Variants in TNIK observed in about 807,000 individuals in gnomAD.
The protein encoded by TNIK is TRAF2 and NCK-interacting protein kinase.
TNIK carries 49 observed loss-of-function variants against 191.3 expected under a neutral mutation model. The ratio of observed to expected loss-of-function variants is 0.26; its 90% CI spans 0.20 to 0.32. TNIK has a LOEUF of 0.32. TNIK is among the 10% of genes least tolerant of loss of function. TNIK has a pLI of 1.00. For missense variants in TNIK, 1,155 were observed against 1,702.3 expected (o/e 0.68, Z 5.66); for synonymous variants, 594 against 600.9 (o/e 0.99, Z 0.17).
chr3:171,204,374 A>G (rs982345181), intron 4 of TNIK, among the ~76,000 whole-genome samples: 1 of 152,244 alleles, frequency 6.6e-6, no homozygotes, highest in Non-Finnish European at 1.5e-5. Flanking sequence ...CTGAAACAGG[A>G]CATACATTGG....
chr3:171,264,752 G>T (rs1748165857), intron 2 of TNIK, among the ~76,000 whole-genome samples: 1 of 152,162 alleles, frequency 6.6e-6, no homozygotes. Context: ...TTTAAAGGGG[G>T]ATAATCTCTT....
chr3:171,186,780 C>T (rs1259404085), intron 7 of TNIK, among the ~76,000 whole-genome samples: 1 of 152,206 alleles, frequency 6.6e-6, no homozygotes, highest in Non-Finnish European at 1.5e-5. Flanking sequence ...CACTGTGCAG[C>T]ATGACGACCT....
At chr3:171,329,472 ATT>A (rs1166998325) in intron 2 of TNIK, among the ~76,000 whole-genome samples, 2 of 152,324 alleles carry the variant, frequency 1.3e-5, no homozygotes, top group African/African-American at 4.8e-5. Context: ...TCCTTGGGTC[ATT>A]TACCTTAAAC....
chr3:171,344,474 A>G (rs1288183598), intron 2 of TNIK, among the ~76,000 whole-genome samples: 2 of 151,922 alleles, frequency 1.3e-5, no homozygotes, highest in African/African-American at 4.8e-5. Flanking sequence ...CAGTGTTTTT[A>G]TGGGACAGAT....
At chr3:171,131,806 C>T (rs1405340484) in intron 15 of TNIK, among the ~76,000 whole-genome samples, 1 of 152,164 alleles carries the variant, frequency 6.6e-6, no homozygotes, top group East Asian at 1.9e-4. Context: ...TTGGAAGTGG[C>T]ACTTCTCCTA....
rs115307179 is a variant in TNIK, at chr3:171,396,162, G to A, written c.58-26477C>T. On this transcript the variant is annotated intron_variant, in intron 1 of 32. Coordinates refer to ENST00000436636, the MANE Select transcript of TNIK (RefSeq NM_015028.4). ...GCAATCAGTCATCTACTTTCTCTAC[G>A]GAGTTCTCTGTCCTGGACATTCCAT... 7.3e-3 allele frequency among the ~76,000 whole-genome samples: 1,101 copies of A among 150,240 alleles called. 16 individuals are homozygous for A. Among genetic ancestry groups the A allele is most frequent in the African/African-American group, 0.026 (1,046 of 40,880 alleles).
At chr3:171,368,941 GTT>G (rs5854417) in intron 2 of TNIK, among the ~76,000 whole-genome samples, 1 of 146,898 alleles carries the variant, frequency 6.8e-6, no homozygotes. Flanking sequence ...CATTTTTTTT[GTT>G]TTTTTTTTTG....
At chr3:171,161,399 C>T in intron 10 of TNIK, 63 bp from the exon 11 acceptor site, 1 of 1,465,922 alleles carries the variant, frequency 6.8e-7, no homozygotes, top group African/African-American at 1.4e-5. Context: ...AAGCCCAACC[C>T]CGTCTCTTAT....
intron 2 of TNIK, among the ~76,000 whole-genome samples, chr3:171,368,634 G>C (rs6762065): frequency 0.029 from 4,362 of 152,126 alleles, 210 homozygotes; most frequent in African/African-American, 0.1. Flanking sequence ...TTAGAATCTC[G>C]AGAATACCCT....
At chr3:171,320,564 C>T (rs1378816234) in intron 2 of TNIK, among the ~76,000 whole-genome samples, 3 of 152,098 alleles carry the variant, frequency 2.0e-5, no homozygotes, top group South Asian at 2.1e-4. Flanking sequence ...TTTGTTTCTC[C>T]AAGGTAAGAG....
intron 4 of TNIK, among the ~76,000 whole-genome samples, chr3:171,207,552 A>G (rs904260378): frequency 6.6e-6 from 1 of 152,094 alleles, no homozygotes; most frequent in Non-Finnish European, 1.5e-5. Context: ...GGAGAAAAAA[A>G]GTCAGGATAC....
chr3:171,074,553 G>C (rs1461234673), intron 28 of TNIK, among the ~76,000 whole-genome samples: 1 of 151,984 alleles, frequency 6.6e-6, no homozygotes, highest in Non-Finnish European at 1.5e-5. Context: ...AGATTTTGCT[G>C]ATTTTCAGGG....
chr3:171,446,001 G>A (rs1400251831), intron 1 of TNIK, among the ~76,000 whole-genome samples: 1 of 152,190 alleles, frequency 6.6e-6, no homozygotes, highest in Non-Finnish European at 1.5e-5. Flanking sequence ...TCAGTGATAA[G>A]TTATCAAGCA....
intron 2 of TNIK, among the ~76,000 whole-genome samples, chr3:171,312,600 C>G (rs1754164429): frequency 6.6e-6 from 1 of 151,994 alleles, no homozygotes. Context: ...ATTGTTTGTG[C>G]CAGAAGTTTT....
intron 2 of TNIK, among the ~76,000 whole-genome samples, chr3:171,295,023 G>GAGAA (rs1207389600): frequency 6.6e-6 from 1 of 150,686 alleles, no homozygotes; most frequent in Non-Finnish European, 1.5e-5. Flanking sequence ...GAGAGAGAGA[G>GAGAA]AGAGGAAAAA....
chr3:171,144,803 C>T (rs1245692309), intron 12 of TNIK, among the ~76,000 whole-genome samples: 1 of 152,160 alleles, frequency 6.6e-6, no homozygotes, highest in Non-Finnish European at 1.5e-5. Context: ...CTGTTCTACT[C>T]TTTCTTTCTA....
At position 171,069,865 on chromosome 3, in the gene TNIK, G is replaced by A. The variant is rs116655707; in HGVS notation, c.3550-868C>T. Among the ~76,000 whole-genome samples the A allele has an allele frequency of 5.4e-3, 827 of 152,326 alleles. 10 individuals are homozygous for A. The highest frequency in any genetic ancestry group is 0.019 in the African/African-American group (778 of 41,568). On this transcript the variant is annotated intron_variant, in intron 29 of 32. Coordinates refer to ENST00000436636, the MANE Select transcript of TNIK (RefSeq NM_015028.4). ...TCTCATCTTTTGCTAACACCATTCT[G>A]ACAGCATGGGAAGCTCTAGCGTCCT...
intron 23 of TNIK, among the ~76,000 whole-genome samples, chr3:171,087,794 G>C (rs1332684274): frequency 2.6e-5 from 4 of 152,234 alleles, no homozygotes; most frequent in African/African-American, 9.6e-5. Flanking sequence ...TACAAAAAGG[G>C]AGGGACTGAG....
Position 171,101,450 on chromosome 3 carries a change from T to A in TNIK, c.2590A>T (p.Ile864Leu). The A allele has an allele frequency of 6.3e-7, 1 of 1,599,432 alleles. No homozygotes were observed. Among genetic ancestry groups the A allele is most frequent in the Non-Finnish European group, 8.5e-7 (1 of 1,175,540 alleles). Reference protein sequence around the residue: ...TVAVSDIPRLIPTGAPGSNEQ... With the variant: ...TVAVSDIPRLLPTGAPGSNEQ... ...ACACTTTAAAAGTAGTTCTCTTACA[T>A]CAGTCTGGGTATGTCGCTGACAGCC... Residue 864 changes from isoleucine (I) to leucine (L), a missense_variant and splice_region_variant, in exon 22 of 33, where the codon ATA (isoleucine) becomes TTA (leucine). By Grantham distance (5) the Ile-to-Leu change is conservative. This residue lies in a region of TNIK where 735 missense variants were observed against 848.0 expected (regional missense o/e 0.87). Transcript: ENST00000436636.
Sources: gnomAD v4.1 joint callset for allele counts (sites outside exome capture counted in the v4.1 genomes callset) on GRCh38, gnomAD v4.1.1 for gene constraint, gnomAD v4.1.1 regional missense constraint, MANE v1.5 for transcripts, NCBI Gene and HGNC (gene_info 2026-07-23, HGNC 2026-07-21) for gene names.